SRGAP2C: variants seen among roughly 807,000 people sequenced by gnomAD.
SRGAP2C encodes the protein SLIT-ROBO Rho GTPase activating protein 2C, also known as SLIT-ROBO Rho GTPase-activating protein 2C.
Under a neutral mutation model 25.1 loss-of-function variants are expected in SRGAP2C, and 15 were observed. That is an observed-to-expected ratio of 0.60 (90% CI 0.40 to 0.92). The LOEUF is 0.92. Among genes scored for constraint, SRGAP2C ranks in the 40% least tolerant of loss-of-function variants. The probability of loss-of-function intolerance (pLI) is 0.00; values close to 1 mark genes in which losing one functional copy is unlikely to be tolerated. For synonymous variants in SRGAP2C, 44 were observed against 96.6 expected, an observed-to-expected ratio of 0.46 and a Z score of 3.19; for missense variants, 144 against 264.4, an observed-to-expected ratio of 0.54 and a Z score of 3.16.
At chr1:121,300,085 C>G (rs1362353988) in intron 3 of SRGAP2C, among the ~76,000 whole-genome samples, 1 of 142,262 alleles carries the variant, frequency 7.0e-6, no homozygotes, top group African/African-American at 2.6e-5. Flanking sequence ...CTCCTGTTTT[C>G]TCCGGTAATG....
rs782593626 is a variant in SRGAP2C, at chr1:121,374,842, C to A, written c.719C>A (p.Thr240Lys). 2.6e-6 allele frequency: 2 copies of A among 773,788 alleles called. No individual in the cohort carries two copies. 47.9% of individuals were successfully genotyped at this position (773,788 alleles called of 1,614,324 possible). A position where few individuals can be genotyped will look rare whatever the true frequency, so the allele number is the denominator to read the frequency against. ...CCTTTTCAGCACCAAGCCAAGTACACGGAGAATAAGCTGAAGGCCATCAAA... is the reference window on the plus strand; with the variant it reads ...CCTTTTCAGCACCAAGCCAAGTACAAGGAGAATAAGCTGAAGGCCATCAAA... ...KMKEKHQAKY[T>K]ENKLKAIKAQ... Residue 240 changes from threonine (T) to lysine (K), a missense_variant, in exon 7 of 10, where the codon ACG becomes AAG. Physicochemically the swap from Thr to Lys is moderately conservative, Grantham distance 78 (BLOSUM62 -1). Coordinates refer to ENST00000367123, the MANE Select transcript of SRGAP2C (RefSeq NM_001329984.2).
Position 121,328,897 on chromosome 1 carries a change from AAAAAAAAAC to A in SRGAP2C, c.423+4264_423+4272del, listed in dbSNP as rs1238234963. ...GCCAGACCCTGTCTGTTTAAAAAAAAAAAAAAAACAAAAAACAAAAAACAAAACAGAGGG... is the reference window on the plus strand; with the variant it reads ...GCCAGACCCTGTCTGTTTAAAAAAAAAAAAAACAAAAAACAAAACAGAGGG... On this transcript the variant is annotated intron_variant, in intron 4 of 9. Transcript: ENST00000367123. Among the ~76,000 whole-genome samples, 12 of 38,538 alleles carry A rather than the reference AAAAAAAAAC, an allele frequency of 3.1e-4. No homozygotes were observed. In the East Asian group the frequency reaches 0.028, roughly 89 times the overall value. 25.3% of individuals were successfully genotyped at this position (38,538 alleles called of 152,430 possible).
intron 4 of SRGAP2C, chr1:121,361,473 G>T (rs1659189661): frequency 7.1e-6 from 1 of 141,462 alleles, no homozygotes; most frequent in African/African-American, 2.6e-5. Context: ...GTCTTGTCTT[G>T]GGGAGATGAG....
chr1:121,229,068 G>C (rs1293246091), intron 2 of SRGAP2C, among the ~76,000 whole-genome samples: 1 of 142,420 alleles, frequency 7.0e-6, no homozygotes, highest in Non-Finnish European at 1.5e-5. Flanking sequence ...ACAGATGAGA[G>C]ACAGAGGCAG....
At chr1:121,260,492 A>C (rs1169670965) in intron 2 of SRGAP2C, among the ~76,000 whole-genome samples, 1 of 151,818 alleles carries the variant, frequency 6.6e-6, no homozygotes, top group Non-Finnish European at 1.5e-5. Flanking sequence ...GAGATGCCTG[A>C]TTACATCATA....
Position 121,279,906 on chromosome 1 carries a change from C to A in SRGAP2C, c.68-4897C>A, listed in dbSNP as rs1429922111. ...ATTCATACACACGGGGAAATGGAAACCAAGAATCCGTTCCTCCTTTTGGCT... is the reference window on the plus strand; with the variant it reads ...ATTCATACACACGGGGAAATGGAAAACAAGAATCCGTTCCTCCTTTTGGCT... On this transcript the variant is annotated intron_variant, in intron 2 of 9. Transcript: ENST00000367123. Among the ~76,000 whole-genome samples the A allele has an allele frequency of 4.4e-4, 65 of 146,178 alleles. 1 individual carries two copies. The highest frequency in any genetic ancestry group is 1.5e-3 in the African/African-American group (59 of 39,962).
chr1:121,222,808 C>T (rs1553325917), intron 2 of SRGAP2C, among the ~76,000 whole-genome samples: 2 of 151,884 alleles, frequency 1.3e-5, no homozygotes, highest in Admixed American at 6.6e-5. Flanking sequence ...TCTACCTCTG[C>T]TGGTTATACC....
chr1:121,309,439 A>C (rs1424393711), intron 3 of SRGAP2C, among the ~76,000 whole-genome samples: 4 of 126,342 alleles, frequency 3.2e-5, no homozygotes, highest in Admixed American at 2.4e-4. Context: ...TTTTTTTTTA[A>C]TACTTTAAGT....
chr1:121,376,063 T>A (rs1335199557), intron 7 of SRGAP2C, among the ~76,000 whole-genome samples: 1 of 99,904 alleles, frequency 1.0e-5, no homozygotes, highest in Non-Finnish European at 2.0e-5. Context: ...TGCTTCCCCT[T>A]ACAGTTGGGT....
At chr1:121,289,033 T>A (rs1267239848) in intron 3 of SRGAP2C, among the ~76,000 whole-genome samples, 1 of 146,414 alleles carries the variant, frequency 6.8e-6, no homozygotes, top group African/African-American at 2.5e-5. Context: ...AGGAGCCCAG[T>A]TGGCTTCATC....
At chr1:121,204,696 C>T (rs587767172) in intron 2 of SRGAP2C, among the ~76,000 whole-genome samples, 279 of 152,226 alleles carry the variant, frequency 1.8e-3, no homozygotes, top group African/African-American at 6.4e-3. Flanking sequence ...TACCTGCTCC[C>T]GGATTTAGTT....
At chr1:121,267,571 TATTATAGTGGGGAGTAAA>T (rs1285429729) in intron 2 of SRGAP2C, among the ~76,000 whole-genome samples, 5 of 134,532 alleles carry the variant, frequency 3.7e-5, no homozygotes, top group African/African-American at 1.4e-4. Context: ...TTGAAAAAAA[TATTATAGTGGGGAGTAAA>T]ATTTAGGAAA....
At chr1:121,295,079 G>A (rs1464767759) in intron 3 of SRGAP2C, among the ~76,000 whole-genome samples, 3 of 93,112 alleles carry the variant, frequency 3.2e-5, no homozygotes, top group Admixed American at 1.1e-4. Flanking sequence ...TTTGAACAAA[G>A]CTTTAAAGAA....
intron 4 of SRGAP2C, among the ~76,000 whole-genome samples, chr1:121,339,209 A>G (rs1658591212): frequency 6.7e-6 from 1 of 149,346 alleles, no homozygotes; most frequent in Non-Finnish European, 1.5e-5. Flanking sequence ...TGGCTGTCCC[A>G]TAGCTTTTTC....
At chr1:121,347,748 A>C (rs1389194697) in intron 4 of SRGAP2C, among the ~76,000 whole-genome samples, 16 of 152,250 alleles carry the variant, frequency 1.1e-4, no homozygotes, top group African/African-American at 3.6e-4. Context: ...GGGTGTTTTG[A>C]GGAGCCCTGT....
chr1:121,338,221 G>A (rs1302827919), intron 4 of SRGAP2C, among the ~76,000 whole-genome samples: 1 of 148,274 alleles, frequency 6.7e-6, no homozygotes, highest in Admixed American at 6.8e-5. Flanking sequence ...AATTTCCATT[G>A]TGCTATTCTG....
At chr1:121,195,306 A>G (rs1409403664) in intron 2 of SRGAP2C, among the ~76,000 whole-genome samples, 2 of 151,796 alleles carry the variant, frequency 1.3e-5, no homozygotes, top group Non-Finnish European at 2.9e-5. Context: ...GCTACTCAGG[A>G]GGCTGAGGGA....
chr1:121,280,121 T>C (rs1467112549), intron 2 of SRGAP2C, among the ~76,000 whole-genome samples: 3 of 148,868 alleles, frequency 2.0e-5, no homozygotes, highest in African/African-American at 7.4e-5. Context: ...ATCATCACTA[T>C]CTTAATTTCA....
chr1:121,269,690 GAAGAA>G (rs1360459293), intron 2 of SRGAP2C, among the ~76,000 whole-genome samples: 5 of 150,696 alleles, frequency 3.3e-5, no homozygotes, highest in African/African-American at 9.7e-5. Context: ...GAATTTAACA[GAAGAA>G]AAGAAAACTG....
Sources: allele counts gnomAD v4.1 joint callset (sites outside exome capture counted in the v4.1 genomes callset), GRCh38; gene constraint gnomAD v4.1.1; transcripts MANE v1.5; gene names NCBI Gene and HGNC (gene_info 2026-07-23, HGNC 2026-07-21).